Variants in RNF130 observed in about 807,000 individuals in gnomAD.
RNF130 encodes E3 ubiquitin-protein ligase RNF130.
In RNF130, 21 loss-of-function variants were observed where a neutral mutation model predicts 44.6. The ratio of observed to expected loss-of-function variants is 0.47; its 90% CI spans 0.33 to 0.68. The LOEUF (loss-of-function observed/expected upper bound fraction) is 0.68. Among genes scored for constraint, RNF130 ranks in the 30% least tolerant of loss-of-function variants. RNF130 has a pLI of 0.02. For missense variants in RNF130, 479 were observed against 560.6 expected (o/e 0.85, Z 1.47); for synonymous variants, 214 against 210.4 (o/e 1.02, Z -0.15).
chr5:179,958,979 C>T (rs1437749906), intron 8 of RNF130, among the ~76,000 whole-genome samples: 1 of 152,124 alleles, frequency 6.6e-6, no homozygotes, highest in East Asian at 1.9e-4. Context: ...CCACGCCAGG[C>T]CACAAAGTTC....
At chr5:180,063,121 G>T (rs1211055620) in intron 1 of RNF130, among the ~76,000 whole-genome samples, 1 of 152,162 alleles carries the variant, frequency 6.6e-6, no homozygotes, top group Non-Finnish European at 1.5e-5. Context: ...GGATGATGAC[G>T]AGCCACTGCA....
At chr5:180,051,535 G>A (rs1764688567) in intron 1 of RNF130, among the ~76,000 whole-genome samples, 1 of 152,082 alleles carries the variant, frequency 6.6e-6, no homozygotes, top group South Asian at 2.1e-4. Context: ...CCGCGCCCCG[G>A]CCTTTGTACA....
At chr5:179,981,634 C>CTCT (rs1762843891) in intron 3 of RNF130, among the ~76,000 whole-genome samples, 1 of 152,200 alleles carries the variant, frequency 6.6e-6, no homozygotes, top group South Asian at 2.1e-4. Flanking sequence ...CACTAAGCAC[C>CTCT]TCTAATAGAC....
intron 1 of RNF130, among the ~76,000 whole-genome samples, chr5:180,068,639 C>T (rs745396963): frequency 2.0e-5 from 3 of 152,326 alleles, no homozygotes; most frequent in Admixed American, 6.5e-5. Context: ...GAAATTCACA[C>T]GTGCCAAACT....
chr5:179,955,684 G>T lies in RNF130; in HGVS notation c.1245-15C>A, dbSNP rs753600815. On this transcript the variant is annotated splice_polypyrimidine_tract_variant and intron_variant, in intron 8 of 8. Coordinates refer to ENST00000521389, the MANE Select transcript of RNF130 (RefSeq NM_018434.6). ...ACCATTCTACCCTATGGAATAAAAG[G>T]AAAAAAGAGGTCATAAATTAAAGAG... 8 of 1,562,028 alleles carry T rather than the reference G, an allele frequency of 5.1e-6. No individual in the cohort carries two copies. The East Asian group carries it at 1.8e-4, about 35-fold the overall frequency.
chr5:179,994,971 G>A (rs904574369), intron 3 of RNF130, among the ~76,000 whole-genome samples: 2 of 152,154 alleles, frequency 1.3e-5, no homozygotes, highest in Non-Finnish European at 2.9e-5. Context: ...GGGAGGGGAG[G>A]GGACTGGTGG....
At chr5:179,982,824 T>G (rs1386138367) in intron 3 of RNF130, among the ~76,000 whole-genome samples, 1 of 152,214 alleles carries the variant, frequency 6.6e-6, no homozygotes, top group East Asian at 1.9e-4. Context: ...GCTCAAGCAA[T>G]CCTCTCACTT....
chr5:179,999,058 T>G (rs1763272470), intron 3 of RNF130, among the ~76,000 whole-genome samples: 1 of 151,794 alleles, frequency 6.6e-6, no homozygotes, highest in East Asian at 1.9e-4. Context: ...AATATCGCTT[T>G]GTCACCCAGG....
intron 1 of RNF130, among the ~76,000 whole-genome samples, chr5:180,062,228 T>C (rs2113183534): frequency 6.6e-6 from 1 of 152,020 alleles, no homozygotes. Flanking sequence ...ATAATTTTTG[T>C]TATTTATTTT....
At chr5:180,057,896 T>A (rs11249666) in intron 1 of RNF130, among the ~76,000 whole-genome samples, 104,169 of 152,056 alleles carry the variant, frequency 0.69, 36,874 homozygotes, top group South Asian at 0.91. Flanking sequence ...GTACCCTTTG[T>A]CCCACTACCT....
chr5:179,955,730 C>T, intron 8 of RNF130, 61 bp from the exon 9 acceptor site: 1 of 1,391,672 alleles, frequency 7.2e-7, no homozygotes, highest in East Asian at 2.3e-5. Flanking sequence ...TTTAAAATAA[C>T]AGAGAAGTGA....
intron 1 of RNF130, among the ~76,000 whole-genome samples, chr5:180,051,604 A>G (rs1280301393): frequency 1.3e-5 from 2 of 152,196 alleles, no homozygotes; most frequent in Admixed American, 6.5e-5. Context: ...TGGATGCTGC[A>G]GTCAACATGG....
intron 5 of RNF130, among the ~76,000 whole-genome samples, chr5:179,973,378 G>A (rs1322225864): frequency 1.3e-5 from 2 of 152,154 alleles, no homozygotes; most frequent in Non-Finnish European, 2.9e-5. Flanking sequence ...TCTCTTCAGT[G>A]CAACTTTCAC....
intron 2 of RNF130, among the ~76,000 whole-genome samples, chr5:180,039,498 A>G (rs1020701309): frequency 3.3e-5 from 5 of 152,142 alleles, no homozygotes; most frequent in African/African-American, 1.2e-4. Flanking sequence ...TTGGCCTCCT[A>G]AAGTATATCT....
At chr5:180,042,282 A>G (rs1426299510) in intron 1 of RNF130, among the ~76,000 whole-genome samples, 1 of 152,216 alleles carries the variant, frequency 6.6e-6, no homozygotes, top group Non-Finnish European at 1.5e-5. Context: ...GAGAGACTGC[A>G]CCAAGAGTGT....
chr5:179,969,166 T>C (rs1762525816), intron 6 of RNF130, among the ~76,000 whole-genome samples: 1 of 152,150 alleles, frequency 6.6e-6, no homozygotes, highest in Non-Finnish European at 1.5e-5. Context: ...TATTTTCCAA[T>C]AAAAAGCATA....
At chr5:180,005,067 T>C (rs1392589619) in intron 3 of RNF130, among the ~76,000 whole-genome samples, 2 of 152,202 alleles carry the variant, frequency 1.3e-5, no homozygotes, top group African/African-American at 2.4e-5. Context: ...TATTTCCTCT[T>C]TTCATAGCTC....
intron 7 of RNF130, among the ~76,000 whole-genome samples, chr5:179,965,472 T>C (rs1467519103): frequency 6.6e-6 from 1 of 152,244 alleles, no homozygotes; most frequent in South Asian, 2.1e-4. Context: ...GTATAAGATT[T>C]TGAAAGGACA....
At chr5:180,057,547 CA>C (rs796667044) in intron 1 of RNF130, among the ~76,000 whole-genome samples, 73 of 142,588 alleles carry the variant, frequency 5.1e-4, no homozygotes, top group South Asian at 4.4e-4. Flanking sequence ...AACTCAGTCT[CA>C]AAAAAAAAAA....
Sources: gnomAD v4.1 joint callset for allele counts (sites outside exome capture counted in the v4.1 genomes callset) on GRCh38, gnomAD v4.1.1 for gene constraint, MANE v1.5 for transcripts, NCBI Gene and HGNC (gene_info 2026-07-23, HGNC 2026-07-21) for gene names.